TPST2: variants seen among roughly 807,000 people sequenced by gnomAD.
The protein encoded by TPST2 is tyrosylprotein sulfotransferase 2, also known as protein-tyrosine sulfotransferase 2.
TPST2 carries 16 observed loss-of-function variants against 27.8 expected under a neutral mutation model. The ratio of observed to expected loss-of-function variants is 0.58; its 90% CI spans 0.39 to 0.88. The LOEUF is 0.88. TPST2 is among the 40% of genes least tolerant of loss of function. The probability of loss-of-function intolerance (pLI) is 0.00; values close to 1 mark genes in which losing one functional copy is unlikely to be tolerated. For synonymous variants in TPST2, 229 were observed against 231.7 expected (o/e 0.99, Z 0.10); for missense variants, 464 against 543.1 (o/e 0.85, Z 1.45).
rs758553954 is a variant in TPST2, at chr22:26,558,189, A to G, written c.-160-13514T>C. Among the ~76,000 whole-genome samples the G allele has an allele frequency of 1.3e-3, 188 of 150,280 alleles. 1 individual carries two copies. The highest frequency in any genetic ancestry group is 1.9e-3 in the Non-Finnish European group (126 of 67,766). ...CACATATATATGTCGCCCAGGCTGG[A>G]GTGCAATGGAGCAATCACAGCTCAC... On this transcript the variant is annotated intron_variant, in intron 1 of 6. Transcript: ENST00000338754.
At chr22:26,581,969 CA>C (rs1928132130) in intron 1 of TPST2, among the ~76,000 whole-genome samples, 1 of 152,180 alleles carries the variant, frequency 6.6e-6, no homozygotes, top group Non-Finnish European at 1.5e-5. Context: ...ACTTTATTTA[CA>C]AATACAGGTA....
At chr22:26,566,569 C>CAAAGAA (rs1021898816) in intron 1 of TPST2, among the ~76,000 whole-genome samples, 32 of 150,610 alleles carry the variant, frequency 2.1e-4, no homozygotes, top group Admixed American at 2.0e-4. Context: ...AAGAAAAAGA[C>CAAAGAA]AAAGAAAAAG....
At chr22:26,563,414 C>T (rs992846900) in intron 1 of TPST2, among the ~76,000 whole-genome samples, 3 of 150,448 alleles carry the variant, frequency 2.0e-5, no homozygotes, top group Non-Finnish European at 4.4e-5. Flanking sequence ...CTGCAAGCTC[C>T]GTCTCCCGGG....
chr22:26,560,711 T>C, intron 1 of TPST2: 1 of 1,081,946 alleles, frequency 9.2e-7, no homozygotes, highest in Admixed American at 1.7e-5. Context: ...AATTTGAAGA[T>C]ATGGCAAAGG....
At chr22:26,582,163 A>C (rs1431248337) in intron 1 of TPST2, among the ~76,000 whole-genome samples, 2 of 152,190 alleles carry the variant, frequency 1.3e-5, no homozygotes, top group African/African-American at 4.8e-5. Context: ...GCTGTGGCTC[A>C]CGCCTGTAAT....
chr22:26,540,135 T>C (rs996101181), intron 3 of TPST2, among the ~76,000 whole-genome samples: 2 of 152,236 alleles, frequency 1.3e-5, no homozygotes, highest in African/African-American at 2.4e-5. Context: ...AGGCAAATTA[T>C]ATTTCCATGT....
chr22:26,530,120 C>G (rs770263397), intron 5 of TPST2, among the ~76,000 whole-genome samples: 1 of 152,068 alleles, frequency 6.6e-6, no homozygotes, highest in Non-Finnish European at 1.5e-5. Flanking sequence ...TTGCACGTTG[C>G]CTTCGTTTTT....
At chr22:26,537,827 C>CACAA in intron 3 of TPST2, among the ~76,000 whole-genome samples, 1 of 152,294 alleles carries the variant, frequency 6.6e-6, no homozygotes, top group South Asian at 2.1e-4. Flanking sequence ...CACACACACA[C>CACAA]ACAAACGCGC....
At chr22:26,562,624 CTTTTCT>C (rs768164280) in intron 1 of TPST2, among the ~76,000 whole-genome samples, 14 of 134,436 alleles carry the variant, frequency 1.0e-4, no homozygotes, top group South Asian at 2.6e-4. Flanking sequence ...CTTTTCTTTT[CTTTTCT>C]TTTTTTTTTT....
intron 1 of TPST2, among the ~76,000 whole-genome samples, chr22:26,559,142 G>A (rs565242995): frequency 3.3e-5 from 5 of 152,368 alleles, no homozygotes; most frequent in African/African-American, 1.2e-4. Context: ...CGAGGCAGGC[G>A]ATCACCTGAG....
At chr22:26,557,540 T>C (rs1602282391) in intron 1 of TPST2, among the ~76,000 whole-genome samples, 1 of 151,806 alleles carries the variant, frequency 6.6e-6, no homozygotes, top group East Asian at 1.9e-4. Context: ...GCAGGAAAAG[T>C]GGGGAAAGGA....
chr22:26,527,683 C>T (rs1483493504), intron 6 of TPST2, among the ~76,000 whole-genome samples: 1 of 152,196 alleles, frequency 6.6e-6, no homozygotes, highest in East Asian at 1.9e-4. Flanking sequence ...CTTTGGTTTT[C>T]TCTTCTGTAA....
chr22:26,543,860 C>T (rs182024923), intron 2 of TPST2, among the ~76,000 whole-genome samples: 4 of 152,298 alleles, frequency 2.6e-5, no homozygotes, highest in Admixed American at 2.6e-4. Context: ...TGACTTGGGA[C>T]ACAGAAAGCA....
chr22:26,560,824 C>A (rs1258943485), intron 1 of TPST2: 5 of 1,509,236 alleles, frequency 3.3e-6, no homozygotes, highest in Non-Finnish European at 4.6e-6. Context: ...AGGACTCCTT[C>A]GGCCTTCTTC....
chr22:26,578,700 C>G (rs1463092639), intron 1 of TPST2, among the ~76,000 whole-genome samples: 2 of 152,118 alleles, frequency 1.3e-5, no homozygotes, highest in African/African-American at 4.8e-5. Context: ...CAGCTCAACA[C>G]AGGGGTGCAC....
chr22:26,581,044 A>G (rs908053553), intron 1 of TPST2, among the ~76,000 whole-genome samples: 1,415 of 68,216 alleles, frequency 0.021, 16 homozygotes, highest in African/African-American at 0.054. Context: ...ACACACACAC[A>G]CACACACACG....
In TPST2 at chr22:26,541,523, C is replaced by T. The variant is rs368764011; in HGVS notation, c.108G>A (p.Ala36=). ...TGGCCCCCCGGGGGCTCCGCAGGCC[C>T]GCCAGCACCGCCCGGCACTCTAGCA... ...QQVLECRAVL[A]GLRSPRGAMR... The change falls in exon 3 of 7, where the codon GCG becomes GCA. Residue 36 remains alanine (A), a synonymous_variant. Coordinates refer to ENST00000338754, the MANE Select transcript of TPST2 (RefSeq NM_003595.5). This position sits in a 1 kb window ranked among gnomAD's most constrained non-coding sequence, Gnocchi z 5.9. The T allele has an allele frequency of 8.4e-5, 135 of 1,611,876 alleles. 1 individual carries two copies. In the Middle Eastern group the frequency reaches 9.9e-4, roughly 12 times the overall value.
In TPST2 at chr22:26,540,839, G is replaced by A. The variant is rs768530486; in HGVS notation, c.792C>T (p.Val264=). Residue 264 remains valine (V), a synonymous_variant, in exon 3 of 7, where the codon GTC becomes GTT. Coordinates refer to ENST00000338754, the MANE Select transcript of TPST2 (RefSeq NM_003595.5). The stretch of plus-strand genomic sequence containing the variant: ...TGCCAATGAGGTCTTCATGGTGGAG[G>A]ACAGCGTCGCTCCAGGCGATGCCGA... The part of the protein sequence containing the change: ...DFLGIAWSDA[V]LHHEDLIGKP... The A allele has an allele frequency of 6.2e-7, 1 of 1,613,030 alleles. No homozygotes were observed. The highest frequency in any genetic ancestry group is 8.5e-7 in the Non-Finnish European group (1 of 1,179,624).
At chr22:26,565,979 A>G (rs1927359828) in intron 1 of TPST2, among the ~76,000 whole-genome samples, 1 of 152,196 alleles carries the variant, frequency 6.6e-6, no homozygotes, top group African/African-American at 2.4e-5. Flanking sequence ...ACACACTTAA[A>G]AGTTTTCCAA....
Sources: gnomAD v4.1 joint callset for allele counts (sites outside exome capture counted in the v4.1 genomes callset) on GRCh38, gnomAD v4.1.1 for gene constraint, Gnocchi (gnomAD v3.1) non-coding constraint, MANE v1.5 for transcripts, NCBI Gene and HGNC (gene_info 2026-07-23, HGNC 2026-07-21) for gene names.